The following CDC42SE2 variants were observed in gnomAD, a reference collection of about 807,000 sequenced individuals.
CDC42SE2 encodes the protein CDC42 small effector protein 2.
A neutral mutation model predicts 11.5 loss-of-function variants in CDC42SE2; 3 were observed. The observed-to-expected ratio is 0.26, with a 90% confidence interval of 0.12 to 0.67. The LOEUF is 0.67. Among genes scored for constraint, CDC42SE2 ranks in the 30% least tolerant of loss-of-function variants. CDC42SE2 has a pLI of 0.80. For synonymous variants in CDC42SE2, 33 were observed against 34.8 expected (o/e 0.95, Z 0.18); for missense variants, 82 against 106.8 (o/e 0.77, Z 1.02).
At chr5:131,294,457 G>C (rs1390644588) in intron 1 of CDC42SE2, among the ~76,000 whole-genome samples, 1 of 152,170 alleles carries the variant, frequency 6.6e-6, no homozygotes, top group Non-Finnish European at 1.5e-5. Flanking sequence ...CAGACACTCA[G>C]ATACTAGGGA....
chr5:131,381,565 C>T (rs1750328407), intron 3 of CDC42SE2, among the ~76,000 whole-genome samples: 1 of 152,148 alleles, frequency 6.6e-6, no homozygotes, highest in Admixed American at 6.5e-5. Context: ...TCAGGTGATC[C>T]ACCCGCCTCG....
upstream of CDC42SE2, among the ~76,000 whole-genome samples, chr5:131,260,558 A>T (rs1419076277): frequency 6.7e-6 from 1 of 150,126 alleles, no homozygotes; most frequent in Non-Finnish European, 1.5e-5. Context: ...TCAGGAGAGG[A>T]AGATTGCAGT....
intron 2 of CDC42SE2, among the ~76,000 whole-genome samples, chr5:131,327,986 A>G (rs186420128): frequency 7.2e-5 from 11 of 152,312 alleles, no homozygotes; most frequent in Admixed American, 6.5e-4. Context: ...TCCAAGATCA[A>G]CGGGCCAACA....
rs898279489 is a variant in CDC42SE2 at position 131,249,469 on chromosome 5, C to T, written n.107+3870C>T. The stretch of plus-strand genomic sequence containing the variant: ...CAGAATGGATATCTTAGAAACTGAC[C>T]CACACATAAATGTTTGATATATGAT... On this transcript the variant is annotated intron_variant and non_coding_transcript_variant, in intron 1 of 3. Transcript: ENST00000502840. 3.6e-4 allele frequency among the ~76,000 whole-genome samples: 55 copies of T among 151,998 alleles called. 1 individual carries two copies. The highest frequency in any genetic ancestry group is 3.3e-3 in the Admixed American group (50 of 15,276).
At chr5:131,286,385 GTTTTTTT>G (rs33983324) in intron 1 of CDC42SE2, among the ~76,000 whole-genome samples, 1 of 115,088 alleles carries the variant, frequency 8.7e-6, no homozygotes, top group Non-Finnish European at 1.7e-5. Flanking sequence ...CACCTGGCCA[GTTTTTTT>G]TTTTTTTTTT....
At chr5:131,260,525 AAGG>A (rs1294656814), upstream of CDC42SE2, among the ~76,000 whole-genome samples, 1 of 151,438 alleles carries the variant, frequency 6.6e-6, no homozygotes, top group East Asian at 1.9e-4. Flanking sequence ...CAGGAGGCTG[AAGG>A]AGGAGAGAAT....
At chr5:131,307,296 T>C (rs533704695) in intron 1 of CDC42SE2, among the ~76,000 whole-genome samples, 2 of 144,184 alleles carry the variant, frequency 1.4e-5, no homozygotes, top group African/African-American at 2.6e-5. Flanking sequence ...AGTTCCCACC[T>C]ATGAGTGAGA....
At chr5:131,333,431 GATTGACT>G (rs1758471591) in intron 2 of CDC42SE2, among the ~76,000 whole-genome samples, 2 of 152,156 alleles carry the variant, frequency 1.3e-5, no homozygotes, top group Non-Finnish European at 2.9e-5. Flanking sequence ...TTTGGCTTAG[GATTGACT>G]TGGCGATGCA....
chr5:131,297,386 G>A (rs1261786270), intron 1 of CDC42SE2, among the ~76,000 whole-genome samples: 1 of 151,934 alleles, frequency 6.6e-6, no homozygotes, highest in Non-Finnish European at 1.5e-5. Context: ...GTATACATGA[G>A]AAAACAAATA....
At chr5:131,265,753 A>G (rs1756846026) in intron 1 of CDC42SE2, among the ~76,000 whole-genome samples, 1 of 152,200 alleles carries the variant, frequency 6.6e-6, no homozygotes, top group Admixed American at 6.5e-5. Flanking sequence ...TTATATTGTC[A>G]GTTTAATAGA....
intron 2 of CDC42SE2, among the ~76,000 whole-genome samples, chr5:131,316,852 A>G (rs1478821313): frequency 4.6e-5 from 7 of 152,212 alleles, no homozygotes; most frequent in Non-Finnish European, 4.4e-5. Context: ...GTTATTTGCT[A>G]TAGAAATTAT....
At chr5:131,302,409 C>A (rs1451387597) in intron 1 of CDC42SE2, among the ~76,000 whole-genome samples, 3 of 152,184 alleles carry the variant, frequency 2.0e-5, no homozygotes, top group Non-Finnish European at 4.4e-5. Context: ...GAACTCCCGA[C>A]CTCGGGTGAT....
chr5:131,229,646 G>C, the CDC42SE2 span, among the ~76,000 whole-genome samples: 1 of 152,122 alleles, frequency 6.6e-6, no homozygotes, highest in Non-Finnish European at 1.5e-5. Context: ...ATAAAGAAGA[G>C]AGAAAGGCCG....
chr5:131,250,348 T>C (rs568509514), intron 1 of CDC42SE2, among the ~76,000 whole-genome samples: 2 of 152,038 alleles, frequency 1.3e-5, no homozygotes, highest in South Asian at 2.1e-4. Flanking sequence ...TATTGACACA[T>C]GTTAGTTGAA....
At chr5:131,235,083 G>T in the CDC42SE2 span, among the ~76,000 whole-genome samples, 3 of 151,816 alleles carry the variant, frequency 2.0e-5, no homozygotes, top group African/African-American at 7.2e-5. Context: ...TAGAGAAGCG[G>T]TTTCACCTTG....
chr5:131,354,334 A>G (rs1749468165), intron 2 of CDC42SE2, among the ~76,000 whole-genome samples: 1 of 152,228 alleles, frequency 6.6e-6, no homozygotes, highest in African/African-American at 2.4e-5. Flanking sequence ...ACCCAGGTCA[A>G]GAAGTGGAAC....
chr5:131,339,489 G>A (rs1046905986), intron 2 of CDC42SE2, among the ~76,000 whole-genome samples: 3 of 151,944 alleles, frequency 2.0e-5, no homozygotes, highest in Admixed American at 6.6e-5. Context: ...TTGTAAAAGA[G>A]CCAAATAGAA....
chr5:131,232,945 GA>G, the CDC42SE2 span, among the ~76,000 whole-genome samples: 1 of 149,684 alleles, frequency 6.7e-6, no homozygotes, highest in Non-Finnish European at 1.5e-5. Context: ...AAAAAAAAAA[GA>G]AAAAAATTTT....
intron 1 of CDC42SE2, among the ~76,000 whole-genome samples, chr5:131,276,244 C>T (rs549093698): frequency 5.7e-5 from 8 of 140,672 alleles, no homozygotes; most frequent in African/African-American, 1.6e-4. Flanking sequence ...CTCAGGAGTT[C>T]GAGACCAGTC....
Sources: allele counts gnomAD v4.1 joint callset (sites outside exome capture counted in the v4.1 genomes callset), GRCh38; gene constraint gnomAD v4.1.1; transcripts MANE v1.5; gene names NCBI Gene and HGNC (gene_info 2026-07-23, HGNC 2026-07-21).